Variants in GALNT13 observed in about 807,000 individuals in gnomAD.
GALNT13 encodes the protein UDP-GalNAc:polypeptide N-acetylgalactosaminyltransferase 13.
Under a neutral mutation model 64.2 loss-of-function variants are expected in GALNT13, and 28 were observed. That is an observed-to-expected ratio of 0.44 (90% confidence interval 0.32 to 0.60). The LOEUF is 0.60. Ranked by LOEUF, GALNT13 falls within the 20% of genes least tolerant of loss-of-function variation. The pLI is 0.05. For missense variants in GALNT13, 577 were observed against 669.8 expected (o/e 0.86, Z 1.53); for synonymous variants, 214 against 224.6 (o/e 0.95, Z 0.42).
chr2:153,114,998 G>C, the GALNT13 span, among the ~76,000 whole-genome samples: 7 of 151,784 alleles, frequency 4.6e-5, no homozygotes, highest in Admixed American at 1.3e-4. Flanking sequence ...TGTAAGATAG[G>C]GGCAATAATA....
chr2:153,828,705 G>A, the GALNT13 span, among the ~76,000 whole-genome samples: 109 of 152,254 alleles, frequency 7.2e-4, no homozygotes, highest in African/African-American at 2.5e-3. Context: ...TTGACGTTGG[G>A]CTCCTCGTTA....
At chr2:153,454,571 A>C in the GALNT13 span, among the ~76,000 whole-genome samples, 1 of 152,236 alleles carries the variant, frequency 6.6e-6, no homozygotes, top group South Asian at 2.1e-4. Context: ...TCCTTAGCTC[A>C]GTGAATGGGA....
intron 9 of GALNT13, among the ~76,000 whole-genome samples, chr2:154,392,542 C>A (rs150613485): frequency 1.1e-4 from 17 of 152,252 alleles, no homozygotes; most frequent in African/African-American, 4.1e-4. Context: ...CCAGGAGGGC[C>A]ATTCTTTCAT....
the GALNT13 span, among the ~76,000 whole-genome samples, chr2:153,335,259 G>T: frequency 6.6e-6 from 1 of 152,162 alleles, no homozygotes; most frequent in African/African-American, 2.4e-5. Context: ...TTGTTGAATA[G>T]ATACCTGAAA....
At chr2:153,720,907 A>C in the GALNT13 span, among the ~76,000 whole-genome samples, 2 of 151,956 alleles carry the variant, frequency 1.3e-5, no homozygotes, top group African/African-American at 2.4e-5. Flanking sequence ...ATCCAGGAGA[A>C]CTTCCCCAAT....
At chr2:153,918,702 A>ATT (rs1689557930) in intron 2 of GALNT13, among the ~76,000 whole-genome samples, 2 of 152,050 alleles carry the variant, frequency 1.3e-5, no homozygotes, top group African/African-American at 4.8e-5. Flanking sequence ...TCAAATGAAT[A>ATT]TTTTCATTTT....
chr2:153,182,235 G>A, the GALNT13 span, among the ~76,000 whole-genome samples: 2 of 151,926 alleles, frequency 1.3e-5, no homozygotes, highest in Admixed American at 6.6e-5. Context: ...TAGTGGAGAC[G>A]GGGTTTCACC....
the GALNT13 span, among the ~76,000 whole-genome samples, chr2:153,375,069 T>C: frequency 6.6e-6 from 1 of 152,210 alleles, no homozygotes; most frequent in Admixed American, 6.5e-5. Flanking sequence ...CATTATTTAC[T>C]AGCTTCTGGA....
At chr2:153,629,577 C>T in the GALNT13 span, among the ~76,000 whole-genome samples, 6 of 152,298 alleles carry the variant, frequency 3.9e-5, no homozygotes, top group East Asian at 9.6e-4. Context: ...CCATTCAGGA[C>T]ATAGGCATGG....
the GALNT13 span, among the ~76,000 whole-genome samples, chr2:153,861,843 C>T: frequency 0.82 from 124,790 of 151,900 alleles, 52,498 homozygotes; most frequent in Non-Finnish European, 0.9. Context: ...CATCCCAAAG[C>T]ACTGGGATTA....
At chr2:153,211,450 C>A in the GALNT13 span, among the ~76,000 whole-genome samples, 5 of 152,128 alleles carry the variant, frequency 3.3e-5, no homozygotes, top group Non-Finnish European at 7.4e-5. Context: ...GCCGACAAAC[C>A]TTTTAAACAT....
At chr2:154,363,909 A>T (rs536261121) in intron 9 of GALNT13, among the ~76,000 whole-genome samples, 38 of 152,346 alleles carry the variant, frequency 2.5e-4, no homozygotes, top group African/African-American at 9.1e-4. Context: ...TAGCCTTGAG[A>T]TGAAACTATC....
intron 3 of GALNT13, among the ~76,000 whole-genome samples, chr2:154,010,626 TCTC>T (rs1696569545): frequency 6.6e-6 from 1 of 152,158 alleles, no homozygotes; most frequent in South Asian, 2.1e-4. Context: ...TAGAATTCCT[TCTC>T]CTCAGTTTTT....
chr2:154,130,334 C>T (rs570307522), intron 3 of GALNT13, among the ~76,000 whole-genome samples: 4 of 152,176 alleles, frequency 2.6e-5, no homozygotes, highest in South Asian at 4.1e-4. Flanking sequence ...GTCAGCAACC[C>T]GAAGCAGAGA....
chr2:153,338,891 G>C, the GALNT13 span, among the ~76,000 whole-genome samples: 19 of 152,060 alleles, frequency 1.2e-4, no homozygotes, highest in African/African-American at 4.3e-4. Context: ...CTGTCTTTCT[G>C]TGCCTGGCTT....
chr2:153,546,523 C>A, the GALNT13 span, among the ~76,000 whole-genome samples: 2 of 152,046 alleles, frequency 1.3e-5, no homozygotes, highest in East Asian at 1.9e-4. Flanking sequence ...GAACATCTAC[C>A]CTTTGTGTGT....
At chr2:153,811,344 T>C in the GALNT13 span, among the ~76,000 whole-genome samples, 41 of 152,334 alleles carry the variant, frequency 2.7e-4, no homozygotes, top group South Asian at 5.6e-3. Flanking sequence ...ACTTTTGTCT[T>C]CTTTTCTGAC....
At chr2:153,572,645 A>G in the GALNT13 span, among the ~76,000 whole-genome samples, 87 of 151,928 alleles carry the variant, frequency 5.7e-4, 1 homozygote, top group African/African-American at 2.1e-3. Flanking sequence ...TTGTGTGTCT[A>G]TCATCATTTG....
chr2:154,266,629 T>A (rs1691016099), intron 8 of GALNT13, among the ~76,000 whole-genome samples: 1 of 152,004 alleles, frequency 6.6e-6, no homozygotes, highest in Admixed American at 6.6e-5. Context: ...ATAAATACTA[T>A]TATTTATTAA....
Sources: allele counts gnomAD v4.1 joint callset (sites outside exome capture counted in the v4.1 genomes callset), GRCh38; gene constraint gnomAD v4.1.1; transcripts MANE v1.5; gene names NCBI Gene and HGNC (gene_info 2026-07-23, HGNC 2026-07-21).